Variants in ARRB1 observed in about 807,000 individuals in gnomAD.
ARRB1 encodes arrestin beta 1.
ARRB1 carries 21 observed loss-of-function variants against 56.8 expected under a neutral mutation model. The ratio of observed to expected loss-of-function variants is 0.37; its 90% CI spans 0.26 to 0.53. The LOEUF (loss-of-function observed/expected upper bound fraction) is 0.53, where lower values mean the gene tolerates loss of function less well. Ranked by LOEUF, ARRB1 falls within the 20% of genes least tolerant of loss-of-function variation. The probability of loss-of-function intolerance (pLI) is 0.88; values close to 1 mark genes in which losing one functional copy is unlikely to be tolerated. For synonymous variants in ARRB1, 210 were observed against 218.6 expected (o/e 0.96, Z 0.35); for missense variants, 424 against 553.7 (o/e 0.77, Z 2.35).
At chr11:75,280,737 G>T (rs1356895540) in intron 7 of ARRB1, among the ~76,000 whole-genome samples, 1 of 152,246 alleles carries the variant, frequency 6.6e-6, no homozygotes, top group Non-Finnish European at 1.5e-5. Context: ...GAAACAGCCT[G>T]CTCACTGTTT....
chr11:75,290,921 G>A (rs891102403), intron 1 of ARRB1, among the ~76,000 whole-genome samples: 7 of 152,056 alleles, frequency 4.6e-5, no homozygotes, highest in Non-Finnish European at 8.8e-5. Flanking sequence ...TACCACTTTC[G>A]AATGTACACA....
At chr11:75,286,589 C>CTAAAA (rs1946482308) in intron 3 of ARRB1, among the ~76,000 whole-genome samples, 1 of 152,046 alleles carries the variant, frequency 6.6e-6, no homozygotes, top group Non-Finnish European at 1.5e-5. Flanking sequence ...GTTGGCCTAA[C>CTAAAA]TGGAGCGTGA....
intron 13 of ARRB1, 147 bp from the exon 14 acceptor site, chr11:75,269,106 C>A: frequency 1.2e-6 from 1 of 829,232 alleles, no homozygotes; most frequent in Non-Finnish European, 2.0e-6. Context: ...CCCAGTTCTG[C>A]CACTCGGAGC....
chr11:75,267,033 T>A (rs35702714), intron 15 of ARRB1, among the ~76,000 whole-genome samples: 1 of 152,064 alleles, frequency 6.6e-6, no homozygotes, highest in Non-Finnish European at 1.5e-5. Context: ...CCAACAGGGT[T>A]CAGCCAGTGC....
At chr11:75,297,754 A>G (rs1178669149) in intron 1 of ARRB1, among the ~76,000 whole-genome samples, 1 of 146,656 alleles carries the variant, frequency 6.8e-6, no homozygotes, top group African/African-American at 2.5e-5. Flanking sequence ...AATCCCAGCT[A>G]CTTGGGAGGC....
intron 10 of ARRB1, chr11:75,274,448 A>T: frequency 1.9e-6 from 1 of 527,532 alleles, no homozygotes. Flanking sequence ...GGATATTCTA[A>T]AAGATTATCC....
At chr11:75,338,876 T>C (rs1947653388) in intron 1 of ARRB1, among the ~76,000 whole-genome samples, 1 of 152,180 alleles carries the variant, frequency 6.6e-6, no homozygotes, top group South Asian at 2.1e-4. Flanking sequence ...TAGAGACCCA[T>C]CATAACATCA....
chr11:75,312,966 T>A (rs939785943), intron 1 of ARRB1, among the ~76,000 whole-genome samples: 7 of 152,200 alleles, frequency 4.6e-5, no homozygotes, highest in African/African-American at 1.7e-4. Flanking sequence ...ACTAAATATA[T>A]GGTAATTTGT....
chr11:75,290,418 C>A (rs1437081872), intron 1 of ARRB1, among the ~76,000 whole-genome samples: 1 of 152,160 alleles, frequency 6.6e-6, no homozygotes, highest in South Asian at 2.1e-4. Flanking sequence ...CATCTCCAGC[C>A]ACATCTACCC....
intron 2 of ARRB1, among the ~76,000 whole-genome samples, chr11:75,288,097 AG>A (rs1946524831): frequency 1.3e-5 from 2 of 152,192 alleles, no homozygotes; most frequent in South Asian, 4.1e-4. Flanking sequence ...TCCTGACCTC[AG>A]GTGATCAGCC....
At chr11:75,326,722 G>A (rs1211646912) in intron 1 of ARRB1, among the ~76,000 whole-genome samples, 3 of 119,948 alleles carry the variant, frequency 2.5e-5, no homozygotes, top group Admixed American at 1.7e-4. Context: ...TAAAATTACT[G>A]TCTTTTTTTT....
intron 7 of ARRB1, among the ~76,000 whole-genome samples, chr11:75,279,770 C>A (rs895891873): frequency 1.1e-4 from 16 of 152,312 alleles, no homozygotes; most frequent in Admixed American, 1.0e-3. Context: ...CAGCTTCAAG[C>A]AATTCTCCTG....
intron 3 of ARRB1, among the ~76,000 whole-genome samples, chr11:75,286,802 C>A (rs1484857627): frequency 1.3e-5 from 2 of 152,202 alleles, no homozygotes; most frequent in Non-Finnish European, 2.9e-5. Context: ...TACATGAGGA[C>A]AGCCCCCATT....
At chr11:75,296,213 T>G (rs1468955038) in intron 1 of ARRB1, among the ~76,000 whole-genome samples, 1 of 145,132 alleles carries the variant, frequency 6.9e-6, no homozygotes, top group Non-Finnish European at 1.5e-5. Context: ...AAAAAGAGTA[T>G]TATTTAGCAA....
At chr11:75,310,490 T>C (rs1194020855) in intron 1 of ARRB1, among the ~76,000 whole-genome samples, 3 of 152,160 alleles carry the variant, frequency 2.0e-5, no homozygotes, top group Non-Finnish European at 4.4e-5. Context: ...CTACATTGTT[T>C]CCAACATTTA....
chr11:75,301,297 C>T (rs1208155095), intron 1 of ARRB1, among the ~76,000 whole-genome samples: 2 of 152,192 alleles, frequency 1.3e-5, no homozygotes, highest in Non-Finnish European at 2.9e-5. Context: ...TCTGGTGTGG[C>T]TGGAGTGTGC....
chr11:75,319,365 C>T (rs564151116), intron 1 of ARRB1, among the ~76,000 whole-genome samples: 2 of 152,296 alleles, frequency 1.3e-5, no homozygotes, highest in East Asian at 3.9e-4. Context: ...TGGTGCCACT[C>T]CAGGAGGCCA....
intron 7 of ARRB1, among the ~76,000 whole-genome samples, chr11:75,279,871 T>A (rs1181706285): frequency 6.6e-6 from 1 of 152,204 alleles, no homozygotes; most frequent in East Asian, 1.9e-4. Flanking sequence ...TTTCACCATG[T>A]TGGCCAGGCT....
intron 13 of ARRB1, among the ~76,000 whole-genome samples, chr11:75,270,725 A>G (rs1946058483): frequency 6.6e-6 from 1 of 152,082 alleles, no homozygotes; most frequent in African/African-American, 2.4e-5. Flanking sequence ...CCCAGGAGGC[A>G]GAGAAGGTTA....
Sources: gnomAD v4.1 joint callset for allele counts (sites outside exome capture counted in the v4.1 genomes callset) on GRCh38, gnomAD v4.1.1 for gene constraint, MANE v1.5 for transcripts, NCBI Gene and HGNC (gene_info 2026-07-23, HGNC 2026-07-21) for gene names.